Variants in NDUFB1 observed in about 807,000 individuals in gnomAD.
NDUFB1 encodes NADH:ubiquinone oxidoreductase subunit B1, also known as NADH dehydrogenase [ubiquinone] 1 beta subcomplex subunit 1.
In NDUFB1, 6 loss-of-function variants were observed where a neutral mutation model predicts 6.7. The ratio of observed to expected loss-of-function variants is 0.89; its 90% CI spans 0.49 to 1.76. NDUFB1 has a LOEUF of 1.76. Among genes scored for constraint, NDUFB1 ranks in the 40% most tolerant of loss-of-function variants. The probability of loss-of-function intolerance (pLI) is 0.01; values close to 1 mark genes in which losing one functional copy is unlikely to be tolerated. For missense variants in NDUFB1, 56 were observed against 71.0 expected (o/e 0.79, Z 0.76); for synonymous variants, 17 against 22.9 (o/e 0.74, Z 0.74).
At chr14:92,119,765 AAACTT>A (rs2068740000) in intron 1 of NDUFB1, among the ~76,000 whole-genome samples, 1 of 151,772 alleles carries the variant, frequency 6.6e-6, no homozygotes, top group South Asian at 2.1e-4. Flanking sequence ...ATCTTATATG[AAACTT>A]TTTTTTTTTT....
chr14:92,121,593 C>T (rs750809775), intron 1 of NDUFB1, 49 bp downstream of exon 1: 1 of 1,610,274 alleles, frequency 6.2e-7, no homozygotes, highest in South Asian at 1.1e-5. Context: ...TCCCCGCCAC[C>T]GTCGCCGTGA....
chr14:92,119,365 C>T (rs540156569), intron 1 of NDUFB1, among the ~76,000 whole-genome samples: 1 of 151,608 alleles, frequency 6.6e-6, no homozygotes, highest in Admixed American at 6.6e-5. Context: ...TCATCTATTT[C>T]TATACGTAAT....
intron 1 of NDUFB1, among the ~76,000 whole-genome samples, chr14:92,120,794 C>G (rs564865164): frequency 6.7e-6 from 1 of 149,958 alleles, no homozygotes; most frequent in Non-Finnish European, 1.5e-5. Context: ...CCTCTTGATC[C>G]GGCCACCTCG....
rs75578518 is a variant in NDUFB1 at position 92,121,230 on chromosome 14, T to C, written c.-6+412A>G. The C allele has an allele frequency of 5.2e-3, 1,332 of 254,612 alleles. 24 individuals carry two copies. Among genetic ancestry groups the C allele is most frequent in the African/African-American group, 0.028 (1,273 of 44,792 alleles). The allele number at this position is 254,612 out of a possible 1,614,324, so 15.8% of individuals were successfully genotyped here. ...GCGCAACGGTGTCGGCTCAAGAGGATTTGCGATTTGGAAGAGAGCGAGGTT... is the reference window on the plus strand; with the variant it reads ...GCGCAACGGTGTCGGCTCAAGAGGACTTGCGATTTGGAAGAGAGCGAGGTT... On this transcript the variant is annotated intron_variant, in intron 1 of 2. Transcript: ENST00000605997.
chr14:92,118,984 G>T (rs1239393674), intron 1 of NDUFB1: 2 of 337,376 alleles, frequency 5.9e-6, no homozygotes, highest in South Asian at 2.1e-5. Flanking sequence ...AGAAAAAAAA[G>T]AAAGAAAAAA....
chr14:92,116,708 T>C (rs907426908), intron 2 of NDUFB1, among the ~76,000 whole-genome samples: 3 of 152,224 alleles, frequency 2.0e-5, no homozygotes, highest in Non-Finnish European at 4.4e-5. Context: ...ATTCTTTTCA[T>C]TCATGATTTT....
intron 1 of NDUFB1, chr14:92,121,369 C>T (rs149184491): frequency 0.014 from 7,982 of 553,876 alleles, 88 homozygotes; most frequent in Middle Eastern, 0.03. Flanking sequence ...TCTCTCCAGT[C>T]CGGTTAGCGG....
At chr14:92,117,476 G>A (rs377306607) in intron 2 of NDUFB1, 22 bp downstream of exon 2, 14 of 1,611,652 alleles carry the variant, frequency 8.7e-6, no homozygotes, top group Non-Finnish European at 5.1e-6. Flanking sequence ...CCAATTGCTG[G>A]TTTAAAAAAA....
At position 92,117,542 on chromosome 14, in the gene NDUFB1, A is replaced by C; in HGVS notation, c.96T>G (p.Asp32Glu). ...VIGCYLDRKS[D>E]ERLTAFRNKS... ...TGTTCCGGAAGGCAGTTAGCCGTTC[A>C]TCACTCTTTCTGTCTAAATAACATC... Residue 32 changes from aspartate to glutamate, a missense_variant, in exon 2 of 3, where the codon GAT (aspartate) becomes GAG (glutamate). Asp to Glu is a conservative substitution (Grantham distance 45). Coordinates refer to ENST00000605997, the MANE Select transcript of NDUFB1 (RefSeq NM_004545.4). 2 of 1,613,672 alleles carry C rather than the reference A, an allele frequency of 1.2e-6. No homozygotes were observed. The highest frequency in any genetic ancestry group is 8.5e-7 in the Non-Finnish European group (1 of 1,180,008).
Position 92,121,667 on chromosome 14 carries a change from C to G in NDUFB1, c.-31G>C. The G allele has an allele frequency of 3.8e-6, 6 of 1,598,482 alleles. No individual in the cohort carries two copies. The highest frequency in any genetic ancestry group is 2.6e-6 in the Non-Finnish European group (3 of 1,174,026). ...CTGCAGCCTCAGCGCCTACAGCGAC[C>G]CCGAGACCAAGGGCAACAGGGAACT... On this transcript the variant is annotated 5_prime_UTR_variant, in exon 1 of 3. Transcript: ENST00000605997.
intron 2 of NDUFB1, among the ~76,000 whole-genome samples, 167 bp from the exon 3 acceptor site, chr14:92,116,396 C>T (rs1174074808): frequency 3.5e-5 from 5 of 141,870 alleles, no homozygotes; most frequent in East Asian, 2.1e-4. Flanking sequence ...TGCAGTGGCA[C>T]GATCTTGGCT....
At chr14:92,119,563 C>T (rs1216761544) in intron 1 of NDUFB1, among the ~76,000 whole-genome samples, 1 of 152,032 alleles carries the variant, frequency 6.6e-6, no homozygotes, top group Non-Finnish European at 1.5e-5. Context: ...GCTGAGTTTC[C>T]AGAAGGTAGA....
intron 2 of NDUFB1, 94 bp from the exon 3 acceptor site, chr14:92,116,323 T>A (rs1397556578): frequency 7.4e-6 from 7 of 946,780 alleles, no homozygotes; most frequent in Non-Finnish European, 1.1e-5. Flanking sequence ...ATTGCAATAT[T>A]TCATTTTCTT....
intron 2 of NDUFB1, 136 bp downstream of exon 2, chr14:92,117,362 C>A: frequency 2.2e-6 from 2 of 888,922 alleles, no homozygotes; most frequent in Non-Finnish European, 3.7e-6. Flanking sequence ...CAATAACAAA[C>A]AAGACTAAAA....
At chr14:92,120,717 G>T (rs1188446613) in intron 1 of NDUFB1, among the ~76,000 whole-genome samples, 2 of 148,204 alleles carry the variant, frequency 1.3e-5, no homozygotes, top group African/African-American at 5.0e-5. Context: ...ACCACGCCCG[G>T]CTAATTTTTG....
At position 92,120,349 on chromosome 14, in the gene NDUFB1, C is replaced by CTT. The variant is rs768894951; in HGVS notation, c.-6+1291_-6+1292dup. 138 of 143,208 alleles carry CTT rather than the reference C, an allele frequency of 9.6e-4. 2 individuals carry two copies. Among genetic ancestry groups the CTT allele is most frequent in the Non-Finnish European group, 6.8e-4 (45 of 66,052 alleles). The allele number at this position is 143,208 out of a possible 1,614,324, so 8.9% of individuals were successfully genotyped here. A position where few individuals can be genotyped will look rare whatever the true frequency, so the allele number is the denominator to read the frequency against. On this transcript the variant is annotated intron_variant, in intron 1 of 2. Transcript: ENST00000605997. The stretch of plus-strand genomic sequence containing the variant: ...TATACAATTCATACTTTTTTCTTTC[C>CTT]TTTTTTTTTTTTTATTTTGAGACGA...
At chr14:92,120,762 CG>C (rs1278615842) in intron 1 of NDUFB1, among the ~76,000 whole-genome samples, 2 of 149,748 alleles carry the variant, frequency 1.3e-5, no homozygotes, top group Admixed American at 1.3e-4. Context: ...CACTGTTGGC[CG>C]GGCTGGTCTC....
intron 1 of NDUFB1, chr14:92,118,996 A>AAG: frequency 5.3e-6 from 2 of 379,352 alleles, no homozygotes; most frequent in Non-Finnish European, 1.0e-5. Flanking sequence ...AAGAAAAAAA[A>AAG]AGGCAAAGGG....
chr14:92,118,923 G>C, intron 1 of NDUFB1: 1 of 346,254 alleles, frequency 2.9e-6, no homozygotes, highest in Non-Finnish European at 5.7e-6. Flanking sequence ...GCAGTGAGCT[G>C]AGATGACGCC....
Sources: allele counts gnomAD v4.1 joint callset (sites outside exome capture counted in the v4.1 genomes callset), GRCh38; gene constraint gnomAD v4.1.1; transcripts MANE v1.5; gene names NCBI Gene and HGNC (gene_info 2026-07-23, HGNC 2026-07-21).